Variants in LCLAT1 observed in about 807,000 individuals in gnomAD.
The protein encoded by LCLAT1 is lysocardiolipin acyltransferase 1, also known as 1-AGP acyltransferase 8.
In LCLAT1, 11 loss-of-function variants were observed where a neutral mutation model predicts 30.7. The ratio of observed to expected loss-of-function variants is 0.36; its 90% confidence interval spans 0.23 to 0.59. The LOEUF (loss-of-function observed/expected upper bound fraction) is 0.59, where lower values mean the gene tolerates loss of function less well. Among genes scored for constraint, LCLAT1 ranks in the 20% least tolerant of loss-of-function variants. The pLI is 0.77. For synonymous variants in LCLAT1, 155 were observed against 151.3 expected (o/e 1.02, Z -0.18); for missense variants, 402 against 458.6 (o/e 0.88, Z 1.13).
intron 1 of LCLAT1, among the ~76,000 whole-genome samples, chr2:30,481,898 A>G (rs1683341814): frequency 6.6e-6 from 1 of 152,240 alleles, no homozygotes; most frequent in Non-Finnish European, 1.5e-5. Flanking sequence ...GTAGGAACTT[A>G]GTATTGGCCT....
intron 1 of LCLAT1, among the ~76,000 whole-genome samples, chr2:30,487,033 A>G (rs967425753): frequency 2.0e-5 from 3 of 152,224 alleles, no homozygotes; most frequent in African/African-American, 7.2e-5. Flanking sequence ...TTCTCCTAAA[A>G]TTCTATGATA....
At chr2:30,626,472 G>C (rs1239929307) in intron 5 of LCLAT1, among the ~76,000 whole-genome samples, 2 of 152,084 alleles carry the variant, frequency 1.3e-5, no homozygotes, top group African/African-American at 2.4e-5. Context: ...GTAGATTCAT[G>C]TTTTCGTAAT....
chr2:30,537,610 C>T (rs1185610432), intron 3 of LCLAT1, among the ~76,000 whole-genome samples: 1 of 151,814 alleles, frequency 6.6e-6, no homozygotes, highest in Non-Finnish European at 1.5e-5. Flanking sequence ...CTAAAGGGAG[C>T]GTTAGACCCC....
chr2:30,505,728 TGTAAC>T (rs146646274), intron 1 of LCLAT1, among the ~76,000 whole-genome samples: 1,871 of 152,194 alleles, frequency 0.012, 28 homozygotes, highest in African/African-American at 0.042. Flanking sequence ...TACTCGTACT[TGTAAC>T]GTTATAATGT....
At chr2:30,494,137 C>T (rs1683979740) in intron 1 of LCLAT1, among the ~76,000 whole-genome samples, 2 of 152,244 alleles carry the variant, frequency 1.3e-5, no homozygotes, top group East Asian at 3.9e-4. Flanking sequence ...GCAGGAGGAT[C>T]ACTTGACTCC....
intron 1 of LCLAT1, among the ~76,000 whole-genome samples, chr2:30,521,855 C>T (rs910960112): frequency 1.3e-5 from 2 of 152,162 alleles, no homozygotes; most frequent in African/African-American, 4.8e-5. Flanking sequence ...CATCTCCCTA[C>T]TTGTAATCTT....
chr2:30,460,475 T>G (rs1350692718), intron 1 of LCLAT1, among the ~76,000 whole-genome samples: 1 of 152,214 alleles, frequency 6.6e-6, no homozygotes, highest in Admixed American at 6.5e-5. Flanking sequence ...TCTCCTGATC[T>G]TTATGCTTGC....
chr2:30,564,771 C>T (rs988842199), intron 4 of LCLAT1, among the ~76,000 whole-genome samples: 2 of 152,144 alleles, frequency 1.3e-5, no homozygotes, highest in African/African-American at 4.8e-5. Context: ...CTGGGTTTTT[C>T]AGCCCAGTGA....
chr2:30,450,485 C>G (rs1295789527), intron 1 of LCLAT1, among the ~76,000 whole-genome samples: 1 of 152,040 alleles, frequency 6.6e-6, no homozygotes, highest in Non-Finnish European at 1.5e-5. Context: ...CCACTTTATG[C>G]TACAAAAATG....
At chr2:30,499,598 C>T (rs1684271238) in intron 1 of LCLAT1, among the ~76,000 whole-genome samples, 1 of 152,142 alleles carries the variant, frequency 6.6e-6, no homozygotes, top group South Asian at 2.1e-4. Context: ...CCTATTTGAA[C>T]TCTGAATTTC....
At chr2:30,492,305 G>T (rs772122598) in intron 1 of LCLAT1, among the ~76,000 whole-genome samples, 1 of 152,140 alleles carries the variant, frequency 6.6e-6, no homozygotes. Flanking sequence ...TTTGGGTAGG[G>T]TTACTGTAGG....
chr2:30,587,030 T>C (rs1218390500), intron 5 of LCLAT1, among the ~76,000 whole-genome samples: 2 of 152,218 alleles, frequency 1.3e-5, no homozygotes, highest in Admixed American at 6.5e-5. Flanking sequence ...GTCTTCTACC[T>C]CTTAGATTCC....
intron 1 of LCLAT1, among the ~76,000 whole-genome samples, chr2:30,515,733 A>G (rs554741776): frequency 1.3e-5 from 2 of 152,366 alleles, no homozygotes; most frequent in East Asian, 3.9e-4. Context: ...CAGTATCAGT[A>G]TTATACAAAG....
At chr2:30,478,367 T>A (rs991370851) in intron 1 of LCLAT1, among the ~76,000 whole-genome samples, 1 of 151,652 alleles carries the variant, frequency 6.6e-6, no homozygotes, top group Admixed American at 6.6e-5. Context: ...AAATGCAGAG[T>A]TTTAGCATGC....
At chr2:30,460,486 G>C (rs537715595) in intron 1 of LCLAT1, among the ~76,000 whole-genome samples, 1 of 151,998 alleles carries the variant, frequency 6.6e-6, no homozygotes, top group South Asian at 2.1e-4. Context: ...TTATGCTTGC[G>C]TTACTTCAGT....
intron 1 of LCLAT1, among the ~76,000 whole-genome samples, chr2:30,503,327 T>C (rs923150567): frequency 1.7e-4 from 26 of 152,236 alleles, no homozygotes; most frequent in Non-Finnish European, 2.4e-4. Flanking sequence ...GCAGGTCTCC[T>C]ATCTCACTAT....
chr2:30,555,554 T>C (rs1324192854), intron 3 of LCLAT1, among the ~76,000 whole-genome samples: 1 of 152,150 alleles, frequency 6.6e-6, no homozygotes, highest in Non-Finnish European at 1.5e-5. Flanking sequence ...ACAAATCTTA[T>C]AAGAAAGGCA....
chr2:30,610,626 TCA>T (rs1373514332), intron 5 of LCLAT1, among the ~76,000 whole-genome samples: 1 of 152,122 alleles, frequency 6.6e-6, no homozygotes, highest in Non-Finnish European at 1.5e-5. Flanking sequence ...TTCAAGAGTA[TCA>T]CAAGTGCTGT....
chr2:30,450,324 G>A (rs1432009063), intron 1 of LCLAT1, among the ~76,000 whole-genome samples: 1 of 152,190 alleles, frequency 6.6e-6, no homozygotes, highest in Non-Finnish European at 1.5e-5. Flanking sequence ...AGAGCTCATG[G>A]TGTCCAGGGG....
Sources: allele counts gnomAD v4.1 joint callset (sites outside exome capture counted in the v4.1 genomes callset), GRCh38; gene constraint gnomAD v4.1.1; transcripts MANE v1.5; gene names NCBI Gene and HGNC (gene_info 2026-07-23, HGNC 2026-07-21).